The following C8A variants were observed in gnomAD, a reference collection of about 807,000 sequenced individuals.
C8A encodes the protein complement component C8 alpha chain.
In C8A, 67 loss-of-function variants were observed where a neutral mutation model predicts 65.3. The observed-to-expected ratio is 1.03, with a 90% CI of 0.84 to 1.26. The LOEUF (loss-of-function observed/expected upper bound fraction) is 1.26. C8A is among the 50% of genes most tolerant of loss of function. C8A has a pLI of 0.00. For missense variants in C8A, 781 were observed against 723.9 expected, an observed-to-expected ratio of 1.08 and a Z score of -0.90; for synonymous variants, 290 against 259.4, an observed-to-expected ratio of 1.12 and a Z score of -1.13.
intron 2 of C8A, among the ~76,000 whole-genome samples, chr1:56,872,415 A>G (rs1644154733): frequency 6.6e-6 from 1 of 152,184 alleles, no homozygotes; most frequent in African/African-American, 2.4e-5. Flanking sequence ...TTCAAATAAC[A>G]TGTAACATTA....
At chr1:56,866,903 A>G (rs1475488342) in intron 1 of C8A, among the ~76,000 whole-genome samples, 1 of 152,240 alleles carries the variant, frequency 6.6e-6, no homozygotes, top group African/African-American at 2.4e-5. Context: ...GATGAGGAGC[A>G]GGAAATGGGT....
chr1:56,917,653 T>A lies in C8A; in HGVS notation c.1692T>A (p.Asn564Lys). The change falls in exon 11 of 11, where the codon AAT (asparagine) becomes AAA (lysine). Residue 564 changes from asparagine to lysine, a missense_variant. By Grantham distance (94) the Asn-to-Lys change is moderately conservative. Coordinates refer to ENST00000361249, the MANE Select transcript of C8A (RefSeq NM_000562.3). ...GIQERRRECD[N>K]PAPQNGGASC... ...AGGAAAGGAGAAGAGAGTGTGACAA[T>A]CCAGCACCTCAGAATGGAGGGGCCT... 1 of 1,614,152 alleles carries A rather than the reference T, an allele frequency of 6.2e-7. No individual in the cohort carries two copies. The highest frequency in any genetic ancestry group is 8.5e-7 in the Non-Finnish European group (1 of 1,180,022).
rs149363453 is a variant in C8A at position 56,904,723 on chromosome 1, C to T, written c.1097-1944C>T. Among the ~76,000 whole-genome samples, 192 of 152,308 alleles carry T rather than the reference C, an allele frequency of 1.3e-3. 1 individual carries two copies. Among genetic ancestry groups the T allele is most frequent in the African/African-American group, 4.5e-3 (188 of 41,566 alleles). ...TAAATGAAAAGTATGAGCTAAGTGT[C>T]TAAGAGTGCTTGGGCTCTCAGGTTC... On this transcript the variant is annotated intron_variant, in intron 7 of 10. Coordinates refer to ENST00000361249, the MANE Select transcript of C8A (RefSeq NM_000562.3).
chr1:56,866,008 T>C (rs890612421), intron 1 of C8A, among the ~76,000 whole-genome samples: 16 of 152,320 alleles, frequency 1.1e-4, no homozygotes, highest in African/African-American at 3.8e-4. Context: ...AATTCACTTA[T>C]ATGCTTTCAG....
intron 7 of C8A, among the ~76,000 whole-genome samples, chr1:56,893,754 T>C (rs994797763): frequency 6.6e-6 from 1 of 152,170 alleles, no homozygotes; most frequent in African/African-American, 2.4e-5. Context: ...TTGTGAAGAA[T>C]AAGTGAACTT....
chr1:56,884,759 AT>A (rs547728201), intron 6 of C8A, among the ~76,000 whole-genome samples: 199 of 152,064 alleles, frequency 1.3e-3, no homozygotes, highest in African/African-American at 4.7e-3. Flanking sequence ...GCTATCTCTT[AT>A]TTTTTTATAT....
At chr1:56,911,473 A>G (rs1455512873) in intron 9 of C8A, among the ~76,000 whole-genome samples, 1 of 152,186 alleles carries the variant, frequency 6.6e-6, no homozygotes, top group African/African-American at 2.4e-5. Flanking sequence ...CTCCAGATTC[A>G]ATCCTCCTTG....
At chr1:56,871,850 C>T (rs564363342) in intron 2 of C8A, among the ~76,000 whole-genome samples, 4 of 152,254 alleles carry the variant, frequency 2.6e-5, no homozygotes, top group South Asian at 4.2e-4. Flanking sequence ...TACTCAGAGG[C>T]AAGTACCTAC....
chr1:56,915,315 G>A (rs934559126), intron 10 of C8A, among the ~76,000 whole-genome samples: 4 of 152,146 alleles, frequency 2.6e-5, no homozygotes, highest in Non-Finnish European at 5.9e-5. Context: ...AGCATGCAGA[G>A]AATACAAACC....
chr1:56,910,400 C>G (rs1310496699), intron 9 of C8A, among the ~76,000 whole-genome samples: 3 of 152,222 alleles, frequency 2.0e-5, no homozygotes, highest in Non-Finnish European at 2.9e-5. Context: ...CCCAAGATCC[C>G]TCTTCTCCAC....
intron 1 of C8A, among the ~76,000 whole-genome samples, chr1:56,859,762 A>G (rs113943535): frequency 4.9e-5 from 1 of 20,548 alleles, no homozygotes; most frequent in East Asian, 0.02. Context: ...AATATATAAA[A>G]AAAAATTATC....
At chr1:56,861,468 C>T (rs1031423551) in intron 1 of C8A, among the ~76,000 whole-genome samples, 5 of 152,154 alleles carry the variant, frequency 3.3e-5, no homozygotes, top group African/African-American at 1.2e-4. Flanking sequence ...AACCCACTCA[C>T]TACCACAAGA....
intron 1 of C8A, among the ~76,000 whole-genome samples, chr1:56,856,059 A>C (rs1643972704): frequency 6.6e-6 from 1 of 152,158 alleles, no homozygotes. Context: ...TTGATGTTTG[A>C]TGAACTTATC....
intron 1 of C8A, among the ~76,000 whole-genome samples, chr1:56,860,597 C>A (rs1188172891): frequency 6.6e-6 from 1 of 152,096 alleles, no homozygotes; most frequent in African/African-American, 2.4e-5. Context: ...TAACAAGGAG[C>A]TGCTTAAAAG....
chr1:56,902,863 C>A (rs1193197520), intron 7 of C8A, among the ~76,000 whole-genome samples: 2 of 152,072 alleles, frequency 1.3e-5, no homozygotes, highest in African/African-American at 2.4e-5. Flanking sequence ...TGAAGAAAAT[C>A]ATATTTTCTT....
chr1:56,894,061 T>TAC (rs1644369573), intron 7 of C8A, among the ~76,000 whole-genome samples: 1 of 152,126 alleles, frequency 6.6e-6, no homozygotes, highest in Non-Finnish European at 1.5e-5. Context: ...AGTGTAGGTG[T>TAC]TATTATTACC....
chr1:56,894,505 T>C (rs909292222), intron 7 of C8A, among the ~76,000 whole-genome samples: 1 of 152,166 alleles, frequency 6.6e-6, no homozygotes, highest in African/African-American at 2.4e-5. Flanking sequence ...GGAAAGACCC[T>C]TCCAGCAAGA....
intron 7 of C8A, among the ~76,000 whole-genome samples, chr1:56,900,506 A>G (rs185289874): frequency 6.6e-6 from 1 of 152,182 alleles, no homozygotes; most frequent in Non-Finnish European, 1.5e-5. Context: ...CTCTGACCCC[A>G]GAGGTTACAC....
chr1:56,894,515 A>C (rs1346562620), intron 7 of C8A, among the ~76,000 whole-genome samples: 1 of 152,184 alleles, frequency 6.6e-6, no homozygotes, highest in African/African-American at 2.4e-5. Flanking sequence ...TTCCAGCAAG[A>C]GTTCAGTACA....
Sources: allele counts gnomAD v4.1 joint callset (sites outside exome capture counted in the v4.1 genomes callset), GRCh38; gene constraint gnomAD v4.1.1; transcripts MANE v1.5; gene names NCBI Gene and HGNC (gene_info 2026-07-23, HGNC 2026-07-21).